The following KCTD8 variants were observed in gnomAD, a reference collection of about 807,000 sequenced individuals.
KCTD8 encodes the protein BTB/POZ domain-containing protein KCTD8.
KCTD8 carries 27 observed loss-of-function variants against 31.5 expected under a neutral mutation model. The observed-to-expected ratio is 0.86, with a 90% confidence interval of 0.63 to 1.18. The LOEUF is 1.18. Ranked by LOEUF, KCTD8 falls within the 50% of genes most tolerant of loss-of-function variation. The pLI is 0.00. For synonymous variants in KCTD8, 290 were observed against 280.0 expected (o/e 1.04, Z -0.36); for missense variants, 658 against 647.7 (o/e 1.02, Z -0.17).
chr4:44,222,507 A>G (rs571088091), intron 1 of KCTD8, among the ~76,000 whole-genome samples: 1 of 152,340 alleles, frequency 6.6e-6, no homozygotes, highest in East Asian at 1.9e-4. Flanking sequence ...CCAGAGCTGG[A>G]GAATCCATGG....
At chr4:44,314,547 GAAT>G (rs1718052680) in intron 1 of KCTD8, among the ~76,000 whole-genome samples, 1 of 152,034 alleles carries the variant, frequency 6.6e-6, no homozygotes, top group African/African-American at 2.4e-5. Context: ...CATTAAGAAT[GAAT>G]AATGTTTCCT....
chr4:44,263,313 A>T (rs1716239223), intron 1 of KCTD8, among the ~76,000 whole-genome samples: 1 of 152,108 alleles, frequency 6.6e-6, no homozygotes, highest in South Asian at 2.1e-4. Flanking sequence ...ACAAACCATG[A>T]TCATATCTCT....
intron 1 of KCTD8, among the ~76,000 whole-genome samples, chr4:44,294,380 G>T (rs527535407): frequency 1.8e-4 from 28 of 152,218 alleles, no homozygotes; most frequent in African/African-American, 6.5e-4. Context: ...TCTGCCCAAA[G>T]ATTTCATAAA....
At chr4:44,319,050 G>C (rs1272043666) in intron 1 of KCTD8, among the ~76,000 whole-genome samples, 2 of 152,164 alleles carry the variant, frequency 1.3e-5, no homozygotes, top group African/African-American at 2.4e-5. Context: ...ACATTGCAAA[G>C]GTTTTCATTC....
Position 44,448,451 on chromosome 4 carries a change from A to G in KCTD8, c.73T>C (p.Ser25Pro), listed in dbSNP as rs1227585089. Residue 25 changes from serine to proline, a missense_variant, in exon 1 of 2, where the codon TCG (serine) becomes CCG (proline). By Grantham distance (74) the Ser-to-Pro change is moderately conservative. Coordinates refer to ENST00000360029, the MANE Select transcript of KCTD8 (RefSeq NM_198353.3). This position sits in a 1 kb window ranked among gnomAD's most constrained non-coding sequence, Gnocchi z 4.1. ...PISEMVSSSS[S>P]PGASAAAAPG... The stretch of plus-strand genomic sequence containing the variant: ...GCGGCGGCGGCCGACGCGCCGGGCG[A>G]GCTGGACGAGGAAACCATCTCGCTA... 6.5e-7 allele frequency: 1 copy of G among 1,546,062 alleles called. No homozygotes were observed. Among genetic ancestry groups the G allele is most frequent in the South Asian group, 1.3e-5 (1 of 79,256 alleles).
chr4:44,188,817 A>C (rs1713672801), intron 1 of KCTD8, among the ~76,000 whole-genome samples: 1 of 152,178 alleles, frequency 6.6e-6, no homozygotes, highest in South Asian at 2.1e-4. Context: ...AGAAACAAGC[A>C]ACAAATTTTT....
intron 1 of KCTD8, among the ~76,000 whole-genome samples, chr4:44,309,621 T>C (rs1012771223): frequency 6.6e-6 from 1 of 152,086 alleles, no homozygotes; most frequent in African/African-American, 2.4e-5. Flanking sequence ...TAATTATAAA[T>C]TTCAAAAAGG....
chr4:44,426,040 A>C (rs1721337099), intron 1 of KCTD8, among the ~76,000 whole-genome samples: 1 of 151,888 alleles, frequency 6.6e-6, no homozygotes, highest in Admixed American at 6.6e-5. Flanking sequence ...GTGTCTAGAA[A>C]CCAAGTAAAA....
intron 1 of KCTD8, among the ~76,000 whole-genome samples, chr4:44,178,666 TTAGA>T (rs934756565): frequency 6.6e-6 from 1 of 152,010 alleles, no homozygotes; most frequent in African/African-American, 2.4e-5. Context: ...CAACAGAGAA[TTAGA>T]TAGAGTTACT....
At chr4:44,231,617 G>A (rs919289521) in intron 1 of KCTD8, among the ~76,000 whole-genome samples, 2 of 152,102 alleles carry the variant, frequency 1.3e-5, no homozygotes, top group South Asian at 2.1e-4. Flanking sequence ...TCAGCACTAT[G>A]TTAGAAGCAG....
intron 1 of KCTD8, among the ~76,000 whole-genome samples, chr4:44,414,245 A>C (rs1189625037): frequency 2.2e-4 from 33 of 152,154 alleles, no homozygotes; most frequent in Admixed American, 2.0e-3. Flanking sequence ...TTTATTAAGC[A>C]TCAACCAAGA....
rs373850071 is a variant in KCTD8 at position 44,377,342 on chromosome 4, G to A, written c.961+70221C>T. Among the ~76,000 whole-genome samples, 224 of 152,212 alleles carry A rather than the reference G, an allele frequency of 1.5e-3. 2 individuals carry two copies. The highest frequency in any genetic ancestry group is 5.1e-3 in the African/African-American group (212 of 41,540). Reference sequence around the variant, plus strand: ...GCTCCATTCTCATTTCCTGAGAAGCGCCCTTTCTGGGCCATATCTTAGGTC... The same window carrying A: ...GCTCCATTCTCATTTCCTGAGAAGCACCCTTTCTGGGCCATATCTTAGGTC... On this transcript the variant is annotated intron_variant, in intron 1 of 1. Transcript: ENST00000360029.
intron 1 of KCTD8, among the ~76,000 whole-genome samples, chr4:44,253,032 G>A (rs1052749298): frequency 2.6e-5 from 4 of 151,532 alleles, no homozygotes; most frequent in Non-Finnish European, 5.9e-5. Context: ...TTTTTTTCCT[G>A]AAGGAGATTA....
intron 1 of KCTD8, among the ~76,000 whole-genome samples, chr4:44,224,559 C>G (rs1714897506): frequency 6.6e-6 from 1 of 151,798 alleles, no homozygotes; most frequent in Non-Finnish European, 1.5e-5. Context: ...TGTGTAATTT[C>G]TCACCTCAAT....
In KCTD8 at chr4:44,448,125, C is replaced by T; in HGVS notation, c.399G>A (p.Glu133=). 6.2e-7 allele frequency: 1 copy of T among 1,612,696 alleles called. No homozygotes were observed. Among genetic ancestry groups the T allele is most frequent in the African/African-American group, 1.3e-5 (1 of 75,014 alleles). Residue 133 remains glutamate, a synonymous_variant, in exon 1 of 2, where the codon GAG becomes GAA. Coordinates refer to ENST00000360029, the MANE Select transcript of KCTD8 (RefSeq NM_198353.3). The surrounding 1 kb of genome is among the most constrained non-coding windows in gnomAD (Gnocchi z 4.1). ...HFPEKERLLR[E]AEYFQLTDLV... is the part of the protein sequence containing the mutation. ...AGTCGGTGAGCTGGAAATACTCGGC[C>T]TCGCGCAGCAGCCGCTCCTTCTCGG...
chr4:44,295,817 T>C (rs1398039192), intron 1 of KCTD8, among the ~76,000 whole-genome samples: 5 of 152,164 alleles, frequency 3.3e-5, no homozygotes, highest in Admixed American at 3.3e-4. Context: ...TTCTAACAAA[T>C]GGATTTTAGG....
chr4:44,197,737 G>A (rs950946096), intron 1 of KCTD8, among the ~76,000 whole-genome samples: 7 of 152,044 alleles, frequency 4.6e-5, no homozygotes, highest in African/African-American at 9.7e-5. Context: ...TAAGAATTCT[G>A]GCATTCAAAA....
At chr4:44,254,636 T>G (rs1715942591) in intron 1 of KCTD8, among the ~76,000 whole-genome samples, 1 of 151,798 alleles carries the variant, frequency 6.6e-6, no homozygotes, top group Non-Finnish European at 1.5e-5. Context: ...AAGATCACTT[T>G]TCAATTTAGG....
At chr4:44,186,025 C>G (rs1464664432) in intron 1 of KCTD8, among the ~76,000 whole-genome samples, 1 of 152,170 alleles carries the variant, frequency 6.6e-6, no homozygotes, top group African/African-American at 2.4e-5. Flanking sequence ...GACAGGCACC[C>G]CTGTTTTCGT....
Sources: gnomAD v4.1 joint callset for allele counts (sites outside exome capture counted in the v4.1 genomes callset) on GRCh38, gnomAD v4.1.1 for gene constraint, Gnocchi (gnomAD v3.1) non-coding constraint, MANE v1.5 for transcripts, NCBI Gene and HGNC (gene_info 2026-07-23, HGNC 2026-07-21) for gene names.